The following CCNY variants were observed in gnomAD, a reference collection of about 807,000 sequenced individuals.
CCNY encodes the protein cyclin-Y.
CCNY carries 19 observed loss-of-function variants against 42.8 expected under a neutral mutation model. That is an observed-to-expected ratio of 0.44 (90% CI 0.31 to 0.65). The LOEUF is 0.65. Ranked by LOEUF, CCNY falls within the 30% of genes least tolerant of loss-of-function variation. The pLI is 0.07. For missense variants in CCNY, 370 were observed against 437.3 expected (o/e 0.85, Z 1.37); for synonymous variants, 165 against 162.7 (o/e 1.01, Z -0.11).
At chr10:35,554,911 T>C (rs780163049) in intron 8 of CCNY, among the ~76,000 whole-genome samples, 9 of 152,226 alleles carry the variant, frequency 5.9e-5, no homozygotes, top group Non-Finnish European at 1.2e-4. Context: ...GTGGAGGAGA[T>C]GCCTTTTGTA....
At chr10:35,377,808 TTAAG>T (rs954601778) in intron 1 of CCNY, among the ~76,000 whole-genome samples, 52 of 152,182 alleles carry the variant, frequency 3.4e-4, no homozygotes, top group East Asian at 1.2e-3. Context: ...AAACAAAAAA[TTAAG>T]TAAGAAGAGT....
At chr10:35,321,247 T>C (rs989710642) in intron 3 of CCNY, among the ~76,000 whole-genome samples, 5 of 151,752 alleles carry the variant, frequency 3.3e-5, no homozygotes, top group Admixed American at 1.3e-4. Context: ...TATAAAAACA[T>C]TGCTGAATGT....
intron 4 of CCNY, among the ~76,000 whole-genome samples, chr10:35,524,539 T>C (rs1363786530): frequency 2.6e-5 from 4 of 152,170 alleles, no homozygotes; most frequent in African/African-American, 9.7e-5. Context: ...TAAGCGGAAA[T>C]GTTCGGGCCG....
At position 35,424,666 on chromosome 10, in the gene CCNY, C is replaced by T. The variant is rs1838228355; in HGVS notation, c.155-58738C>T. Among the ~76,000 whole-genome samples the T allele has an allele frequency of 2.6e-5, 4 of 152,172 alleles. No homozygotes were observed. In the South Asian group the frequency reaches 6.2e-4, roughly 24 times the overall value. On this transcript the variant is annotated intron_variant, in intron 1 of 9. Coordinates refer to ENST00000374704, the MANE Select transcript of CCNY (RefSeq NM_145012.6). ...ATGTCTGATACTATTAAGTGCTTGC[C>T]AGGGTCTCCCAGCTCTCACATAGCC...
At chr10:35,428,026 T>C (rs998619665) in intron 1 of CCNY, among the ~76,000 whole-genome samples, 3 of 152,240 alleles carry the variant, frequency 2.0e-5, no homozygotes, top group African/African-American at 4.8e-5. Context: ...ACTATCTTTA[T>C]AGACTCATTG....
rs535863927 is a variant in CCNY, at chr10:35,368,864, C to T, written c.154+31657C>T. 1.2e-4 allele frequency among the ~76,000 whole-genome samples: 19 copies of T among 152,230 alleles called. 1 individual carries two copies. Among genetic ancestry groups the T allele is most frequent in the African/African-American group, 4.6e-4 (19 of 41,550 alleles). ...TTTTCTTAACCGGTGCTCGGAGGTACCAGAGGAAGTGAGGCTGGGAGGGTG... is the reference window on the plus strand; with the variant it reads ...TTTTCTTAACCGGTGCTCGGAGGTATCAGAGGAAGTGAGGCTGGGAGGGTG... On this transcript the variant is annotated intron_variant, in intron 1 of 9. Transcript: ENST00000374704.
chr10:35,497,687 A>T (rs1012391226), intron 2 of CCNY, among the ~76,000 whole-genome samples: 2 of 144,420 alleles, frequency 1.4e-5, no homozygotes, highest in Non-Finnish European at 3.0e-5. Flanking sequence ...GAGTCAGCTC[A>T]CTTCCCTCCA....
chr10:35,347,713 C>G (rs1217689071), intron 1 of CCNY, among the ~76,000 whole-genome samples: 2 of 152,040 alleles, frequency 1.3e-5, no homozygotes, highest in Non-Finnish European at 2.9e-5. Context: ...GAAAAGATTT[C>G]ACTCCAAATT....
At chr10:35,370,214 C>G (rs1304404930) in intron 1 of CCNY, among the ~76,000 whole-genome samples, 1 of 151,766 alleles carries the variant, frequency 6.6e-6, no homozygotes, top group Non-Finnish European at 1.5e-5. Context: ...GGCCGTGGCA[C>G]GATCTCGGCT....
intron 3 of CCNY, among the ~76,000 whole-genome samples, chr10:35,252,727 A>G (rs2095712841): frequency 6.6e-6 from 1 of 152,164 alleles, no homozygotes; most frequent in Non-Finnish European, 1.5e-5. Flanking sequence ...GAGGGAGTAA[A>G]TAAAGCGGCT....
intron 1 of CCNY, among the ~76,000 whole-genome samples, chr10:35,459,554 T>A (rs1839112273): frequency 2.6e-5 from 4 of 152,174 alleles, no homozygotes; most frequent in African/African-American, 9.7e-5. Context: ...CCAGGCATGA[T>A]GACACTGTTT....
rs533140677 is a variant in CCNY, at chr10:35,412,730, G to A, written c.155-70674G>A. ...AAAAAAATTAGCTGGGTGTGGCAGC[G>A]TGTTCCTGTGGTCTCAGCTACTTGG... is the stretch of plus-strand genomic sequence containing the variant. On this transcript the variant is annotated intron_variant, in intron 1 of 9. Coordinates refer to ENST00000374704, the MANE Select transcript of CCNY (RefSeq NM_145012.6). Among the ~76,000 whole-genome samples, 46 of 151,210 alleles carry A rather than the reference G, an allele frequency of 3.0e-4. No individual in the cohort carries two copies. In the South Asian group the frequency reaches 9.5e-3, roughly 31 times the overall value.
chr10:35,501,643 G>A (rs1300060112), intron 3 of CCNY, 108 bp downstream of exon 3: 13 of 962,996 alleles, frequency 1.3e-5, no homozygotes, highest in Non-Finnish European at 2.2e-5. Context: ...GTAGATACTT[G>A]GAAGAATGTT....
chr10:35,370,754 C>T (rs182825054), intron 1 of CCNY, among the ~76,000 whole-genome samples: 62 of 151,298 alleles, frequency 4.1e-4, no homozygotes, highest in Admixed American at 2.4e-3. Flanking sequence ...CTCGCACTTT[C>T]GCCCAGGCTG....
At chr10:35,479,616 GGA>G (rs1442436675) in intron 1 of CCNY, among the ~76,000 whole-genome samples, 4 of 131,260 alleles carry the variant, frequency 3.0e-5, no homozygotes, top group Non-Finnish European at 6.5e-5. Context: ...TGGGGTGGGG[GGA>G]GGGGGGGGAG....
intron 1 of CCNY, among the ~76,000 whole-genome samples, chr10:35,379,801 C>G (rs2135190122): frequency 6.6e-6 from 1 of 152,336 alleles, no homozygotes; most frequent in East Asian, 1.9e-4. Flanking sequence ...CCTACCCCTT[C>G]TTTCCTTTTA....
At chr10:35,309,925 C>T (rs1283031469) in intron 3 of CCNY, among the ~76,000 whole-genome samples, 13 of 152,058 alleles carry the variant, frequency 8.5e-5, no homozygotes, top group African/African-American at 2.4e-4. Context: ...CTCAGCCTTC[C>T]GAGTAGCTGG....
chr10:35,432,241 C>T (rs539925293), intron 1 of CCNY, among the ~76,000 whole-genome samples: 1 of 152,168 alleles, frequency 6.6e-6, no homozygotes, highest in African/African-American at 2.4e-5. Flanking sequence ...TTTAATTTCT[C>T]TCCACTTCAG....
intron 1 of CCNY, among the ~76,000 whole-genome samples, chr10:35,430,446 A>G (rs866870496): frequency 5.3e-5 from 8 of 151,498 alleles, no homozygotes; most frequent in South Asian, 2.1e-4. Context: ...GACACAGGTG[A>G]AGGGAAGAGT....
Sources: allele counts gnomAD v4.1 joint callset (sites outside exome capture counted in the v4.1 genomes callset), GRCh38; gene constraint gnomAD v4.1.1; transcripts MANE v1.5; gene names NCBI Gene and HGNC (gene_info 2026-07-23, HGNC 2026-07-21).